Variants in FGD5 observed in about 807,000 individuals in gnomAD.
The protein encoded by FGD5 is FYVE, RhoGEF and PH domain containing 5.
FGD5 carries 28 observed loss-of-function variants against 133.4 expected under a neutral mutation model. The observed-to-expected ratio is 0.21, with a 90% confidence interval of 0.16 to 0.29. The LOEUF (loss-of-function observed/expected upper bound fraction) is 0.29, where lower values mean the gene tolerates loss of function less well. Among genes scored for constraint, FGD5 ranks in the 10% least tolerant of loss-of-function variants. FGD5 has a pLI of 1.00. For synonymous variants in FGD5, 810 were observed against 776.5 expected (o/e 1.04, Z -0.72); for missense variants, 1,858 against 1,895.2 (o/e 0.98, Z 0.36).
intron 4 of FGD5, among the ~76,000 whole-genome samples, chr3:14,883,486 C>A (rs2037867325): frequency 6.6e-6 from 1 of 152,144 alleles, no homozygotes; most frequent in Admixed American, 6.6e-5. Flanking sequence ...AACCATGCAC[C>A]CATTCACTCT....
Position 14,821,203 on chromosome 3 carries a change from G to C in FGD5, c.2132G>C (p.Gly711Ala). Reference protein sequence around the residue: ...SNSPQLKSRTGKLRASESPSS... With the variant: ...SNSPQLKSRTAKLRASESPSS... ...TCCCCTCAGCTTAAGTCTCGGACTGGGAAGCTCCGGGCTTCTGAATCCCCC... is the reference window on the plus strand; with the variant it reads ...TCCCCTCAGCTTAAGTCTCGGACTGCGAAGCTCCGGGCTTCTGAATCCCCC... The change falls in exon 1 of 20, where the codon GGG (glycine) becomes GCG (alanine). Residue 711 changes from glycine to alanine, a missense_variant. By Grantham distance (60) the Gly-to-Ala change is moderately conservative. Coordinates refer to ENST00000285046, the MANE Select transcript of FGD5 (RefSeq NM_152536.4). 2 of 1,613,914 alleles carry C rather than the reference G, an allele frequency of 1.2e-6. No homozygotes were observed. Among genetic ancestry groups the C allele is most frequent in the South Asian group, 2.2e-5 (2 of 91,074 alleles).
At chr3:14,852,546 T>A (rs1472941128) in intron 1 of FGD5, among the ~76,000 whole-genome samples, 1 of 152,164 alleles carries the variant, frequency 6.6e-6, no homozygotes, top group Non-Finnish European at 1.5e-5. Context: ...AAGCACTGAA[T>A]TGTATTTTAA....
In FGD5 at chr3:14,922,556, G is replaced by T; in HGVS notation, c.3807+8G>T. 1 of 1,572,938 alleles carries T rather than the reference G, an allele frequency of 6.4e-7. No homozygotes were observed. Among genetic ancestry groups the T allele is most frequent in the Non-Finnish European group, 8.6e-7 (1 of 1,160,262 alleles). ...TGTCACGCCTGTGGCAAGGTGAGTC[G>T]CTGCATCTGGGGTGAGTGTGTGCAT... On this transcript the variant is annotated splice_region_variant and intron_variant, in intron 15 of 19. Transcript: ENST00000285046. This position sits in a 1 kb window ranked among gnomAD's most constrained non-coding sequence, Gnocchi z 4.1.
At position 14,901,043 on chromosome 3, in the gene FGD5, C is replaced by T. The variant is rs569480097; in HGVS notation, c.3246C>T (p.Asn1082=). ...TCTCCAAAGTCACAGACCGTGCCAA[C>T]GACAGCATGGAGCAAGGGGTGAGTG... ...SLISKVTDRA[N]DSMEQGENLQ... is the part of the protein sequence containing the mutation. Residue 1082 remains asparagine (N), a synonymous_variant, in exon 9 of 20, where the codon AAC becomes AAT. Transcript: ENST00000285046. 6.2e-6 allele frequency: 10 copies of T among 1,614,010 alleles called. No individual in the cohort carries two copies. The highest frequency in any genetic ancestry group is 2.2e-5 in the East Asian group (1 of 44,870).
intron 9 of FGD5, among the ~76,000 whole-genome samples, chr3:14,904,936 G>C (rs1304599849): frequency 6.6e-6 from 1 of 152,122 alleles, no homozygotes. Context: ...TTATAGGCAT[G>C]AGCCACCATG....
intron 1 of FGD5, among the ~76,000 whole-genome samples, chr3:14,841,014 GC>G (rs1436584789): frequency 6.6e-6 from 1 of 152,198 alleles, no homozygotes; most frequent in East Asian, 1.9e-4. Context: ...GAATGATTGT[GC>G]CCCCGATCAG....
At chr3:14,899,133 G>GCCTGTCAT (rs1396570730) in intron 7 of FGD5, among the ~76,000 whole-genome samples, 2 of 152,058 alleles carry the variant, frequency 1.3e-5, no homozygotes, top group Admixed American at 1.3e-4. Context: ...CTGAAGCCAC[G>GCCTGTCAT]CCTGTCATCA....
intron 1 of FGD5, among the ~76,000 whole-genome samples, chr3:14,823,818 T>C (rs1484620181): frequency 2.0e-5 from 3 of 152,220 alleles, no homozygotes; most frequent in African/African-American, 7.2e-5. Flanking sequence ...CTTGGCTATA[T>C]GTGAAGGACC....
At chr3:14,864,396 G>A in intron 2 of FGD5, 136 bp downstream of exon 2, 2 of 1,378,112 alleles carry the variant, frequency 1.5e-6, no homozygotes, top group East Asian at 2.3e-5. Flanking sequence ...CAGGGGCTGA[G>A]ACACGCAGCA....
chr3:14,847,747 C>T (rs1212004399), intron 1 of FGD5, among the ~76,000 whole-genome samples: 2 of 152,188 alleles, frequency 1.3e-5, no homozygotes, highest in African/African-American at 4.8e-5. Flanking sequence ...GACTGAGCTC[C>T]TCCCGGGTGT....
chr3:14,921,059 G>A (rs986764982), intron 13 of FGD5, among the ~76,000 whole-genome samples: 4 of 152,344 alleles, frequency 2.6e-5, no homozygotes, highest in South Asian at 2.1e-4. Flanking sequence ...CGATCCACAC[G>A]TGGGCCTTCA....
chr3:14,811,575 C>T (rs1011399995), intron 1 of FGD5, among the ~76,000 whole-genome samples: 14 of 152,212 alleles, frequency 9.2e-5, no homozygotes, highest in African/African-American at 2.7e-4. Flanking sequence ...TCCCCCACCC[C>T]CAGTCCATCG....
chr3:14,877,918 G>T (rs1374147761), intron 2 of FGD5, among the ~76,000 whole-genome samples: 1 of 152,192 alleles, frequency 6.6e-6, no homozygotes, highest in African/African-American at 2.4e-5. Context: ...GATGCCATTA[G>T]TTATCCTGTA....
At position 14,900,991 on chromosome 3, in the gene FGD5, G is replaced by A. The variant is rs747813277; in HGVS notation, c.3206-12G>A. Reference sequence around the variant, plus strand: ...TGCAATGGCCCAACTCCTGCTCTGTGTCCCTCCCCAGGTGCACTGAGCCTC... The same window carrying A: ...TGCAATGGCCCAACTCCTGCTCTGTATCCCTCCCCAGGTGCACTGAGCCTC... On this transcript the variant is annotated splice_polypyrimidine_tract_variant and intron_variant, in intron 8 of 19. Transcript: ENST00000285046. 4.3e-6 allele frequency: 7 copies of A among 1,614,010 alleles called. No individual in the cohort carries two copies. In the South Asian group the frequency reaches 7.7e-5, roughly 18 times the overall value.
At chr3:14,881,128 T>C (rs2037818163) in intron 4 of FGD5, among the ~76,000 whole-genome samples, 1 of 151,958 alleles carries the variant, frequency 6.6e-6, no homozygotes, top group Admixed American at 6.5e-5. Context: ...TGTGCACCTG[T>C]GTGTGTGTGA....
At chr3:14,865,849 CAAG>C (rs1465748425) in intron 2 of FGD5, among the ~76,000 whole-genome samples, 5 of 152,194 alleles carry the variant, frequency 3.3e-5, no homozygotes, top group East Asian at 1.9e-4. Context: ...CCTCCTCTCC[CAAG>C]AAGGAGTATT....
At position 14,923,838 on chromosome 3, in the gene FGD5, A is replaced by T. The variant is rs1435682957; in HGVS notation, c.3938-170A>T. The T allele has an allele frequency of 2.6e-5, 22 of 850,034 alleles. No individual in the cohort carries two copies. In the Admixed American group the frequency reaches 4.6e-4, roughly 18 times the overall value. 52.7% of individuals were successfully genotyped at this position (850,034 alleles called of 1,614,324 possible). On this transcript the variant is annotated intron_variant, in intron 16 of 19. Coordinates refer to ENST00000285046, the MANE Select transcript of FGD5 (RefSeq NM_152536.4). ...AAAGCGTCCCCTCCCCAGCCCCCATAGCCTTTGTCTGTTCCTGCAGGAGGG... is the reference window on the plus strand; with the variant it reads ...AAAGCGTCCCCTCCCCAGCCCCCATTGCCTTTGTCTGTTCCTGCAGGAGGG...
intron 18 of FGD5, among the ~76,000 whole-genome samples, chr3:14,926,999 G>A (rs2038815482): frequency 6.6e-6 from 1 of 152,188 alleles, no homozygotes; most frequent in Non-Finnish European, 1.5e-5. Flanking sequence ...CTTCTTTGGG[G>A]CATGAAGCTT....
upstream of FGD5, among the ~76,000 whole-genome samples, chr3:14,818,543 G>T (rs894307783): frequency 5.3e-5 from 8 of 152,148 alleles, no homozygotes; most frequent in African/African-American, 1.7e-4. Context: ...AGCTGTAGAA[G>T]GGGGGATGTA....
Sources: gnomAD v4.1 joint callset for allele counts (sites outside exome capture counted in the v4.1 genomes callset) on GRCh38, gnomAD v4.1.1 for gene constraint, Gnocchi (gnomAD v3.1) non-coding constraint, MANE v1.5 for transcripts, NCBI Gene and HGNC (gene_info 2026-07-23, HGNC 2026-07-21) for gene names.